GSDMD: variants seen among roughly 807,000 people sequenced by gnomAD.
GSDMD encodes the protein gasdermin-D.
Under a neutral mutation model 46.7 loss-of-function variants are expected in GSDMD, and 46 were observed. That is an observed-to-expected ratio of 0.99 (90% CI 0.78 to 1.26). The LOEUF (loss-of-function observed/expected upper bound fraction) is 1.26. GSDMD is among the 50% of genes most tolerant of loss of function. The pLI, the probability that GSDMD is intolerant of heterozygous loss-of-function variation, is 0.00. For missense variants in GSDMD, 649 were observed against 638.8 expected, an observed-to-expected ratio of 1.02 and a Z score of -0.17; for synonymous variants, 307 against 283.1, an observed-to-expected ratio of 1.08 and a Z score of -0.85.
Position 143,562,765 on chromosome 8 carries a change from G to C in GSDMD, c.1316G>C (p.Trp439Ser). 1.3e-6 allele frequency: 2 copies of C among 1,589,216 alleles called. No homozygotes were observed. The highest frequency in any genetic ancestry group is 1.7e-4 in the Middle Eastern group (1 of 6,038). Reference sequence around the variant, plus strand: ...AGCTGGGGCGAAGGAGCACCGGCCTGGGTCTTGCTGGACGAGTGTGGCCTA... The same window carrying C: ...AGCTGGGGCGAAGGAGCACCGGCCTCGGTCTTGCTGGACGAGTGTGGCCTA... The part of the protein sequence containing the change: ...GNSWGEGAPA[W>S]VLLDECGLEL... Residue 439 changes from tryptophan to serine, a missense_variant, in exon 11 of 11, where the codon TGG (tryptophan) becomes TCG (serine). Transcript: ENST00000262580.
chr8:143,559,657 C>T, intron 2 of GSDMD, 105 bp downstream of exon 2: 1 of 1,437,024 alleles, frequency 7.0e-7, no homozygotes, highest in South Asian at 1.3e-5. Flanking sequence ...AGCTCTGGGC[C>T]TCTCTTCCAG....
chr8:143,558,273 G>T (rs1823355566), upstream of GSDMD: 8 of 1,456,848 alleles, frequency 5.5e-6, no homozygotes, highest in South Asian at 4.0e-5. Flanking sequence ...GGAAGAGGGG[G>T]CAGGAAGGGG....
intron 6 of GSDMD, 112 bp downstream of exon 6, chr8:143,561,535 T>C: frequency 1.7e-6 from 2 of 1,147,506 alleles, no homozygotes; most frequent in East Asian, 2.5e-5. Flanking sequence ...GGCAGCCCCC[T>C]GAGGCGGTGG....
At position 143,561,110 on chromosome 8, in the gene GSDMD, CTG is replaced by C. The variant is rs1491136997; in HGVS notation, c.682+7_682+8del. On this transcript the variant is annotated splice_region_variant and intron_variant, in intron 5 of 10. Coordinates refer to ENST00000262580, the MANE Select transcript of GSDMD (RefSeq NM_024736.7). Reference sequence around the variant, plus strand: ...GGTTATTGACTCTGACTTGGGTGAGCTGGAGTTGGGGGTGTCTCGGGCCCAGG... The same window carrying C: ...GGTTATTGACTCTGACTTGGGTGAGCGAGTTGGGGGTGTCTCGGGCCCAGG... 2.5e-6 allele frequency: 4 copies of C among 1,611,058 alleles called. No homozygotes were observed. The highest frequency in any genetic ancestry group is 3.4e-6 in the Non-Finnish European group (4 of 1,178,302).
chr8:143,556,540 C>G (rs1823299629), upstream of GSDMD, among the ~76,000 whole-genome samples: 1 of 152,198 alleles, frequency 6.6e-6, no homozygotes, highest in Non-Finnish European at 1.5e-5. Context: ...GAGATCTTGC[C>G]TCACACAAAA....
rs369011186 is a variant in GSDMD at position 143,559,543 on chromosome 8, G to A, written c.208G>A (p.Ala70Thr). The A allele has an allele frequency of 1.4e-5, 23 of 1,612,096 alleles. No homozygotes were observed. Among genetic ancestry groups the A allele is most frequent in the South Asian group, 4.4e-5 (4 of 91,036 alleles). Residue 70 changes from alanine to threonine, a missense_variant, in exon 2 of 11, where the codon GCG becomes ACG. Transcript: ENST00000262580. Reference sequence around the variant, plus strand: ...CAAGGACATCCTGGAGCCGGATGCCGCGGAACCAGGTGCCTGATGTGGTGC... The same window carrying A: ...CAAGGACATCCTGGAGCCGGATGCCACGGAACCAGGTGCCTGATGTGGTGC... ...SIKDILEPDA[A>T]EPDVQRGRSF...
chr8:143,561,356 C>G lies in GSDMD; in HGVS notation c.683-14C>G. 6.3e-7 allele frequency: 1 copy of G among 1,598,750 alleles called. No individual in the cohort carries two copies. Among genetic ancestry groups the G allele is most frequent in the Non-Finnish European group, 8.5e-7 (1 of 1,172,386 alleles). ...TGACATGCCTGTCCCTGTCTGCTCCCGTCTGGCTGCCAGACGTCCTTCTCT... is the reference window on the plus strand; with the variant it reads ...TGACATGCCTGTCCCTGTCTGCTCCGGTCTGGCTGCCAGACGTCCTTCTCT... On this transcript the variant is annotated splice_polypyrimidine_tract_variant and intron_variant, in intron 5 of 10. Transcript: ENST00000262580.
intron 3 of GSDMD, chr8:143,560,379 A>AG: frequency 1.6e-6 from 1 of 639,276 alleles, no homozygotes; most frequent in East Asian, 2.7e-5. Flanking sequence ...GGCCCAGGTG[A>AG]GGGGGCCGCA....
intron 5 of GSDMD, 112 bp from the exon 6 acceptor site, chr8:143,561,258 G>A (rs1380045250): frequency 6.5e-6 from 8 of 1,221,992 alleles, no homozygotes; most frequent in African/African-American, 6.0e-5. Flanking sequence ...TCTGGTGTGT[G>A]GGTGATTGGG....
Position 143,562,872 on chromosome 8 carries a change from C to G in GSDMD, c.1423C>G (p.Leu475Val), listed in dbSNP as rs1194729453. The G allele has an allele frequency of 6.2e-7, 1 of 1,612,350 alleles. No homozygotes were observed. The highest frequency in any genetic ancestry group is 1.1e-5 in the South Asian group (1 of 91,054). Residue 475 changes from leucine (L) to valine (V), a missense_variant, in exon 11 of 11, where the codon CTG (leucine) becomes GTG (valine). Coordinates refer to ENST00000262580, the MANE Select transcript of GSDMD (RefSeq NM_024736.7). ...GTGTGCACTCTACGCCTCCCTGGCA[C>G]TGCTATCAGGACTGAGCCAGGAGCC... ...RMCALYASLALLSGLSQEPH is the reference protein window; with the variant it reads ...RMCALYASLAVLSGLSQEPH
upstream of GSDMD, chr8:143,558,236 G>A (rs575907309): frequency 1.6e-4 from 215 of 1,312,666 alleles, no homozygotes; most frequent in African/African-American, 1.8e-3. Flanking sequence ...CCGGACGCGC[G>A]AGGCTGGTGC....
upstream of GSDMD, chr8:143,557,766 G>A: frequency 3.2e-6 from 1 of 313,406 alleles, no homozygotes; most frequent in Non-Finnish European, 6.3e-6. Context: ...TCTCTCTGTG[G>A]ATTCCATTTG....
chr8:143,553,443 G>A (rs888808809), upstream of GSDMD: 1 of 146,242 alleles, frequency 6.8e-6, no homozygotes, highest in Admixed American at 6.7e-5. Flanking sequence ...GAAGGGACGT[G>A]GTGTTCCCCA....
chr8:143,562,177 G>T, intron 8 of GSDMD, 32 bp from the exon 9 acceptor site: 1 of 1,594,096 alleles, frequency 6.3e-7, no homozygotes, highest in Non-Finnish European at 8.5e-7. Context: ...TGCCCAGCCA[G>T]CCAGACTCAC....
upstream of GSDMD, among the ~76,000 whole-genome samples, chr8:143,557,603 C>T (rs537050743): frequency 4.6e-5 from 7 of 152,334 alleles, no homozygotes; most frequent in East Asian, 1.3e-3. Context: ...CTGGGTCACA[C>T]GGTAACTCTT....
chr8:143,561,998 AG>A lies in GSDMD; in HGVS notation c.866del (p.Gly289AlafsTer90). On this transcript the variant is annotated frameshift_variant, in exon 8 of 11. Coordinates refer to ENST00000262580, the MANE Select transcript of GSDMD (RefSeq NM_024736.7). LOFTEE classifies it high-confidence loss of function. ...GAGGGGGCGTTCACTGAAGACTTCC[AG>A]GGCCTACGGGCAGAGGTGGAGACCA... ...PAEGAFTEDF[Q>X]GLRAEVETIS... The A allele has an allele frequency of 6.2e-7, 1 of 1,606,718 alleles. No homozygotes were observed. Among genetic ancestry groups the A allele is most frequent in the Non-Finnish European group, 8.5e-7 (1 of 1,178,646 alleles).
chr8:143,560,436 G>C (rs1823424565), intron 3 of GSDMD, 167 bp from the exon 4 acceptor site: 1 of 680,758 alleles, frequency 1.5e-6, no homozygotes, highest in African/African-American at 1.8e-5. Flanking sequence ...TCCTCATGGG[G>C]TCCCGTCCCC....
intron 6 of GSDMD, 66 bp downstream of exon 6, chr8:143,561,489 G>A: frequency 6.7e-7 from 1 of 1,491,592 alleles, no homozygotes; most frequent in Non-Finnish European, 9.2e-7. Context: ...GGCAGTTGAG[G>A]CCTTCTCCTC....
rs556151711 is a variant in GSDMD, at chr8:143,558,992, C to T, written c.-4-340C>T. On this transcript the variant is annotated intron_variant, in intron 1 of 10. Coordinates refer to ENST00000262580, the MANE Select transcript of GSDMD (RefSeq NM_024736.7). ...CTGGGTTTTGCAGTGGGTCCCTGCACCACGCTCAGGAGGTGACAGCTTGTT... is the reference window on the plus strand; with the variant it reads ...CTGGGTTTTGCAGTGGGTCCCTGCATCACGCTCAGGAGGTGACAGCTTGTT... 8.2e-4 allele frequency: 323 copies of T among 394,238 alleles called. 2 individuals are homozygous for T. Among genetic ancestry groups the T allele is most frequent in the African/African-American group, 7.1e-3 (294 of 41,566 alleles). 24.4% of individuals were successfully genotyped at this position (394,238 alleles called of 1,614,324 possible).
Sources: allele counts gnomAD v4.1 joint callset (sites outside exome capture counted in the v4.1 genomes callset), GRCh38; gene constraint gnomAD v4.1.1; transcripts MANE v1.5; gene names NCBI Gene and HGNC (gene_info 2026-07-23, HGNC 2026-07-21).